Variants in GRM8 observed in about 807,000 individuals in gnomAD.
GRM8 encodes metabotropic glutamate receptor 8.
Under a neutral mutation model 87.2 loss-of-function variants are expected in GRM8, and 47 were observed. The ratio of observed to expected loss-of-function variants is 0.54; its 90% CI spans 0.43 to 0.69. The LOEUF is 0.69. Ranked by LOEUF, GRM8 falls within the 30% of genes least tolerant of loss-of-function variation. The pLI, the probability that GRM8 is intolerant of heterozygous loss-of-function variation, is 0.00. For missense variants in GRM8, 1,019 were observed against 1,139.2 expected (o/e 0.89, Z 1.52); for synonymous variants, 396 against 404.5 (o/e 0.98, Z 0.25).
chr7:127,144,103 G>A (rs1485188038), intron 2 of GRM8, among the ~76,000 whole-genome samples: 6 of 152,106 alleles, frequency 3.9e-5, no homozygotes, highest in African/African-American at 1.4e-4. Context: ...AATGATAGCA[G>A]ATACAGGATT....
intron 3 of GRM8, among the ~76,000 whole-genome samples, chr7:126,992,705 T>C (rs1812777077): frequency 1.3e-5 from 2 of 152,136 alleles, no homozygotes; most frequent in East Asian, 1.9e-4. Context: ...ATGGGTACTT[T>C]GATAGGTAAT....
chr7:127,106,789 C>T, intron 2 of GRM8, 77 bp from the exon 3 acceptor site: 1 of 1,038,438 alleles, frequency 9.6e-7, no homozygotes, highest in East Asian at 2.4e-5. Context: ...AGCTAAACAG[C>T]CAAGGCTATA....
chr7:126,709,462 CGAAAAA>C lies in GRM8; in HGVS notation c.1357+60397_1357+60402del, dbSNP rs145388000. 1.5e-3 allele frequency among the ~76,000 whole-genome samples: 212 copies of C among 144,890 alleles called. 1 individual carries two copies. The highest frequency in any genetic ancestry group is 5.2e-3 in the African/African-American group (203 of 39,112). On this transcript the variant is annotated intron_variant, in intron 7 of 10. Transcript: ENST00000339582. ...AGGAGGAAGAAGAGGAAGAAGAGGA[CGAAAAA>C]GAGGAAGAGGAAGAAGAAGAAGGAG...
intron 9 of GRM8, among the ~76,000 whole-genome samples, chr7:126,477,582 A>AG (rs1806105834): frequency 2.7e-5 from 1 of 37,200 alleles, no homozygotes; most frequent in Non-Finnish European, 5.3e-5. Context: ...AAAGAAAGAG[A>AG]GAAAGAAAGA....
At chr7:126,453,363 T>C (rs940157960) in intron 9 of GRM8, among the ~76,000 whole-genome samples, 1 of 151,572 alleles carries the variant, frequency 6.6e-6, no homozygotes. Context: ...ACTTATCACA[T>C]CCCCTTTCGG....
intron 7 of GRM8, among the ~76,000 whole-genome samples, chr7:126,682,963 C>T (rs533317627): frequency 1.3e-5 from 2 of 152,200 alleles, no homozygotes; most frequent in South Asian, 4.1e-4. Context: ...GCAGGAGAAT[C>T]GCTTGAACCT....
chr7:127,162,232 G>A (rs1793161850), intron 2 of GRM8, among the ~76,000 whole-genome samples: 1 of 152,204 alleles, frequency 6.6e-6, no homozygotes, highest in African/African-American at 2.4e-5. Flanking sequence ...CTACAGGTGG[G>A]ATCTGTGGTT....
At position 126,451,993 on chromosome 7, in the gene GRM8, A is replaced by G. The variant is rs376383444; in HGVS notation, c.2431-5621T>C. 8.6e-5 allele frequency among the ~76,000 whole-genome samples: 13 copies of G among 151,860 alleles called. No individual in the cohort carries two copies. In the East Asian group the frequency reaches 2.5e-3, roughly 30 times the overall value. The stretch of plus-strand genomic sequence containing the variant: ...TTCCCCTAGCTAGAATAAAAATTCC[A>G]TGAATATTGGGAATTTTACCTGTGT... On this transcript the variant is annotated intron_variant, in intron 9 of 10. Coordinates refer to ENST00000339582, the MANE Select transcript of GRM8 (RefSeq NM_000845.3).
At chr7:126,636,963 A>C (rs1471620978) in intron 7 of GRM8, among the ~76,000 whole-genome samples, 2 of 152,078 alleles carry the variant, frequency 1.3e-5, no homozygotes, top group African/African-American at 4.8e-5. Context: ...TGTTATTAAA[A>C]TAGCTACGCC....
chr7:127,094,509 A>G (rs1224925271), intron 3 of GRM8, among the ~76,000 whole-genome samples: 1 of 152,238 alleles, frequency 6.6e-6, no homozygotes, highest in Non-Finnish European at 1.5e-5. Flanking sequence ...TAAAGAGGAA[A>G]GCAGAGATTG....
intron 8 of GRM8, 67 bp from the exon 9 acceptor site, chr7:126,533,954 C>A (rs1042639413): frequency 2.5e-6 from 3 of 1,188,788 alleles, no homozygotes; most frequent in Admixed American, 4.3e-5. Context: ...ATCCTAGCCA[C>A]GGGTTTGTAA....
At chr7:126,730,044 C>T (rs924869160) in intron 7 of GRM8, among the ~76,000 whole-genome samples, 4 of 152,050 alleles carry the variant, frequency 2.6e-5, no homozygotes, top group Non-Finnish European at 2.9e-5. Context: ...AAAAACAAAA[C>T]ACATCGATCA....
chr7:127,098,672 A>T (rs1824912845), intron 3 of GRM8, among the ~76,000 whole-genome samples: 1 of 152,222 alleles, frequency 6.6e-6, no homozygotes, highest in African/African-American at 2.4e-5. Flanking sequence ...CATTTCAAAC[A>T]GAATCTGCCA....
intron 2 of GRM8, among the ~76,000 whole-genome samples, chr7:127,196,743 C>T (rs778652233): frequency 6.6e-6 from 1 of 152,210 alleles, no homozygotes; most frequent in Non-Finnish European, 1.5e-5. Context: ...TGGACTCTCT[C>T]ACTTTGCAAG....
intron 7 of GRM8, among the ~76,000 whole-genome samples, chr7:126,681,618 C>T (rs894731669): frequency 6.6e-6 from 1 of 152,210 alleles, no homozygotes; most frequent in Non-Finnish European, 1.5e-5. Flanking sequence ...CTGAATCAAT[C>T]ACCAGTGACA....
chr7:126,544,381 G>A (rs1172496889), intron 8 of GRM8, among the ~76,000 whole-genome samples: 1 of 152,126 alleles, frequency 6.6e-6, no homozygotes, highest in Non-Finnish European at 1.5e-5. Context: ...TCCTAAATCT[G>A]TGTGGTCTCT....
intron 3 of GRM8, among the ~76,000 whole-genome samples, chr7:127,059,615 C>A (rs1162739305): frequency 9.9e-5 from 15 of 152,138 alleles, no homozygotes. Context: ...GGATGACAGG[C>A]ATGAGCCACC....
chr7:127,151,644 G>A (rs764851933), intron 2 of GRM8, among the ~76,000 whole-genome samples: 3 of 151,914 alleles, frequency 2.0e-5, no homozygotes, highest in South Asian at 2.1e-4. Context: ...CTGAGTTTAC[G>A]GCTTTCTACT....
intron 8 of GRM8, among the ~76,000 whole-genome samples, chr7:126,600,746 T>C (rs1429911311): frequency 6.6e-6 from 1 of 152,172 alleles, no homozygotes; most frequent in Non-Finnish European, 1.5e-5. Flanking sequence ...TACCAAATCA[T>C]ATTGTTATCT....
Sources: gnomAD v4.1 joint callset for allele counts (sites outside exome capture counted in the v4.1 genomes callset) on GRCh38, gnomAD v4.1.1 for gene constraint, MANE v1.5 for transcripts, NCBI Gene and HGNC (gene_info 2026-07-23, HGNC 2026-07-21) for gene names.